Variants in PLCL2 observed in about 807,000 individuals in gnomAD.
The protein encoded by PLCL2 is phospholipase C like 2, also known as inactive phospholipase C-like protein 2.
PLCL2 carries 4 observed loss-of-function variants against 79.6 expected under a neutral mutation model. That is an observed-to-expected ratio of 0.05 (90% CI 0.02 to 0.11). The LOEUF (loss-of-function observed/expected upper bound fraction) is 0.11, where lower values mean the gene tolerates loss of function less well. PLCL2 is among the 10% of genes least tolerant of loss of function. PLCL2 has a pLI of 1.00. For missense variants in PLCL2, 895 were observed against 1,291.0 expected (o/e 0.69, Z 4.70); for synonymous variants, 484 against 457.7 (o/e 1.06, Z -0.73).
intron 1 of PLCL2, among the ~76,000 whole-genome samples, chr3:16,910,697 C>A (rs565706815): frequency 1.2e-4 from 18 of 152,168 alleles, no homozygotes; most frequent in African/African-American, 4.1e-4. Context: ...GCATATATGT[C>A]CTACTAGATT....
chr3:16,926,840 A>C (rs1450529991), intron 1 of PLCL2, among the ~76,000 whole-genome samples: 1 of 152,084 alleles, frequency 6.6e-6, no homozygotes, highest in African/African-American at 2.4e-5. Flanking sequence ...TGTGTTAGCC[A>C]GGATGGTCTC....
At chr3:16,944,027 G>T (rs996441777) in intron 1 of PLCL2, among the ~76,000 whole-genome samples, 1 of 152,134 alleles carries the variant, frequency 6.6e-6, no homozygotes, top group African/African-American at 2.4e-5. Flanking sequence ...ATAGGCAATG[G>T]TTAAGGGCAT....
intron 1 of PLCL2, among the ~76,000 whole-genome samples, chr3:16,951,384 A>G (rs1046313044): frequency 6.6e-6 from 1 of 152,092 alleles, no homozygotes; most frequent in Admixed American, 6.6e-5. Context: ...GAATTTTGAA[A>G]GTAATAATTC....
intron 1 of PLCL2, among the ~76,000 whole-genome samples, chr3:16,964,568 A>T (rs916014350): frequency 6.6e-6 from 1 of 152,142 alleles, no homozygotes; most frequent in Non-Finnish European, 1.5e-5. Context: ...TGGTATTTCT[A>T]GTTCTAGATC....
At chr3:16,894,682 T>G (rs1489413267) in intron 1 of PLCL2, among the ~76,000 whole-genome samples, 1 of 152,210 alleles carries the variant, frequency 6.6e-6, no homozygotes, top group African/African-American at 2.4e-5. Flanking sequence ...GCTTTTTGGC[T>G]GAATTTCTCT....
intron 1 of PLCL2, among the ~76,000 whole-genome samples, chr3:17,002,756 C>T (rs991158964): frequency 1.3e-5 from 2 of 152,052 alleles, no homozygotes; most frequent in African/African-American, 4.8e-5. Context: ...CTCTTAGATG[C>T]TCTGTTTTGT....
intron 3 of PLCL2, among the ~76,000 whole-genome samples, chr3:17,027,108 A>G (rs2064525929): frequency 6.6e-6 from 1 of 152,140 alleles, no homozygotes; most frequent in African/African-American, 2.4e-5. Context: ...TTCTTTTAAA[A>G]TACCAACTAC....
At chr3:16,982,938 C>A (rs888420798) in intron 1 of PLCL2, among the ~76,000 whole-genome samples, 3 of 152,146 alleles carry the variant, frequency 2.0e-5, no homozygotes, top group African/African-American at 7.2e-5. Flanking sequence ...ATCTACATTT[C>A]TGTATTTTAT....
At chr3:17,072,902 G>C (rs997260116) in intron 5 of PLCL2, among the ~76,000 whole-genome samples, 2 of 152,228 alleles carry the variant, frequency 1.3e-5, no homozygotes, top group South Asian at 4.2e-4. Flanking sequence ...TAAAGCCAGC[G>C]GGTGTCTTTG....
chr3:17,075,783 T>A (rs898356179), intron 5 of PLCL2, among the ~76,000 whole-genome samples: 5 of 152,262 alleles, frequency 3.3e-5, no homozygotes, highest in African/African-American at 1.2e-4. Context: ...GCATACAGTC[T>A]TTTCTGCCTG....
At chr3:16,947,462 CAGAA>C (rs1575545660) in intron 1 of PLCL2, among the ~76,000 whole-genome samples, 1 of 152,122 alleles carries the variant, frequency 6.6e-6, no homozygotes, top group Admixed American at 6.6e-5. Flanking sequence ...CTGCGACTGT[CAGAA>C]AGAAAGGCCC....
intron 3 of PLCL2, among the ~76,000 whole-genome samples, chr3:17,019,614 T>C (rs968700520): frequency 2.6e-5 from 4 of 152,198 alleles, no homozygotes; most frequent in African/African-American, 9.6e-5. Flanking sequence ...ACAGGCACCT[T>C]ATTTTTTGTT....
chr3:16,955,618 C>G (rs1233945012), intron 1 of PLCL2, among the ~76,000 whole-genome samples: 2 of 152,162 alleles, frequency 1.3e-5, no homozygotes, highest in Non-Finnish European at 2.9e-5. Context: ...TTACCTTGGG[C>G]AGTATGGCCA....
Position 16,905,581 on chromosome 3 carries a change from A to G in PLCL2, c.327+20215A>G, listed in dbSNP as rs568574316. On this transcript the variant is annotated intron_variant, in intron 1 of 5. Transcript: ENST00000615277. Reference sequence around the variant, plus strand: ...TATTTACACAAATTTAAAATTTTCTATGTAAAGGAAATAAATTTCCAATGA... The same window carrying G: ...TATTTACACAAATTTAAAATTTTCTGTGTAAAGGAAATAAATTTCCAATGA... Among the ~76,000 whole-genome samples the G allele has an allele frequency of 5.9e-5, 9 of 152,338 alleles. No individual in the cohort carries two copies. In the South Asian group the frequency reaches 1.4e-3, roughly 25 times the overall value.
chr3:17,038,739 G>A (rs896567034), intron 3 of PLCL2, among the ~76,000 whole-genome samples: 1 of 152,196 alleles, frequency 6.6e-6, no homozygotes, highest in Non-Finnish European at 1.5e-5. Flanking sequence ...TAGTAGCTGA[G>A]ATGATATTAC....
At position 16,973,425 on chromosome 3, in the gene PLCL2, A is replaced by G. The variant is rs73145318; in HGVS notation, c.328-36249A>G. On this transcript the variant is annotated intron_variant, in intron 1 of 5. Transcript: ENST00000615277. The stretch of plus-strand genomic sequence containing the variant: ...GTGTCTTGGGGATGTCATCTTGTAT[A>G]GTATTTCACAGGTATTCTCTGCATT... Among the ~76,000 whole-genome samples, 1,119 of 148,284 alleles carry G rather than the reference A, an allele frequency of 7.5e-3. 19 individuals are homozygous for G. The highest frequency in any genetic ancestry group is 0.027 in the African/African-American group (1,068 of 39,978).
In PLCL2 at chr3:17,089,929, C is replaced by A; in HGVS notation, c.*17C>A. ...GGAGAATGAGGAAACTTACAATAAA[C>A]CATTATGGAGTTTATAACTCTAGGA... On this transcript the variant is annotated 3_prime_UTR_variant, in exon 6 of 6. Coordinates refer to ENST00000615277, the MANE Select transcript of PLCL2 (RefSeq NM_001144382.2). 1 of 1,608,620 alleles carries A rather than the reference C, an allele frequency of 6.2e-7. No homozygotes were observed. The highest frequency in any genetic ancestry group is 8.5e-7 in the Non-Finnish European group (1 of 1,177,634).
rs115998668 is a variant in PLCL2 at position 16,981,830 on chromosome 3, C to T, written c.328-27844C>T. ...AAAGATGTGTAACCCTGTGTATTGC[C>T]ATTTGTGACTTTTCTGTAACAAAAA... On this transcript the variant is annotated intron_variant, in intron 1 of 5. Transcript: ENST00000615277. Among the ~76,000 whole-genome samples, 1,307 of 152,284 alleles carry T rather than the reference C, an allele frequency of 8.6e-3. 19 individuals are homozygous for T. The highest frequency in any genetic ancestry group is 0.03 in the African/African-American group (1,246 of 41,552).
chr3:16,993,023 C>T (rs1180282524), intron 1 of PLCL2, among the ~76,000 whole-genome samples: 2 of 152,168 alleles, frequency 1.3e-5, no homozygotes, highest in Non-Finnish European at 1.5e-5. Context: ...TTTGGTGAAG[C>T]CTACGAGTTG....
Sources: gnomAD v4.1 joint callset for allele counts (sites outside exome capture counted in the v4.1 genomes callset) on GRCh38, gnomAD v4.1.1 for gene constraint, MANE v1.5 for transcripts, NCBI Gene and HGNC (gene_info 2026-07-23, HGNC 2026-07-21) for gene names.